The following GRM4 variants were observed in gnomAD, a reference collection of about 807,000 sequenced individuals.
GRM4 encodes the protein metabotropic glutamate receptor 4.
GRM4 carries 28 observed loss-of-function variants against 81.7 expected under a neutral mutation model. The ratio of observed to expected loss-of-function variants is 0.34; its 90% CI spans 0.25 to 0.47. GRM4 has a LOEUF of 0.47. GRM4 is among the 20% of genes least tolerant of loss of function. The pLI, the probability that GRM4 is intolerant of heterozygous loss-of-function variation, is 1.00. For missense variants in GRM4, 948 were observed against 1,290.0 expected (o/e 0.73, Z 4.06); for synonymous variants, 488 against 528.8 (o/e 0.92, Z 1.06).
At chr6:34,049,023 C>G (rs950860075) in intron 6 of GRM4, among the ~76,000 whole-genome samples, 2 of 152,130 alleles carry the variant, frequency 1.3e-5, no homozygotes, top group African/African-American at 4.8e-5. Flanking sequence ...GTCATTTCTC[C>G]GATTTAAGCA....
chr6:34,139,655 C>T (rs927450640), intron 1 of GRM4, among the ~76,000 whole-genome samples: 33 of 152,226 alleles, frequency 2.2e-4, no homozygotes, highest in Non-Finnish European at 2.4e-4. Flanking sequence ...ATGTTCCCCA[C>T]GCCCAGTCCG....
chr6:34,044,431 GACAT>G (rs1028433464), intron 6 of GRM4, among the ~76,000 whole-genome samples: 6 of 117,392 alleles, frequency 5.1e-5, no homozygotes, highest in African/African-American at 1.0e-4. Flanking sequence ...CATACACACA[GACAT>G]ACATACATAC....
chr6:34,079,675 C>T (rs769866366), intron 3 of GRM4, among the ~76,000 whole-genome samples: 65 of 152,290 alleles, frequency 4.3e-4, no homozygotes, highest in African/African-American at 1.5e-3. Flanking sequence ...GACCTTGGGG[C>T]AGACTCACCG....
chr6:34,139,533 T>C (rs1489103812), intron 1 of GRM4, among the ~76,000 whole-genome samples: 2 of 152,180 alleles, frequency 1.3e-5, no homozygotes, highest in Non-Finnish European at 2.9e-5. Flanking sequence ...ATTATTACAA[T>C]TCTTGTCATC....
chr6:34,129,261 C>T (rs957294543), intron 2 of GRM4, among the ~76,000 whole-genome samples: 3 of 152,188 alleles, frequency 2.0e-5, no homozygotes, highest in South Asian at 2.1e-4. Flanking sequence ...GTGATCCACC[C>T]GCGTTGGCCT....
At chr6:34,052,328 C>A (rs1469191154) in intron 6 of GRM4, among the ~76,000 whole-genome samples, 6 of 152,374 alleles carry the variant, frequency 3.9e-5, no homozygotes, top group African/African-American at 1.2e-4. Context: ...TCTCTTCTTT[C>A]CTGGAATCCC....
In GRM4 at chr6:34,069,514, C is replaced by T. The variant is rs915682756; in HGVS notation, c.737-7486G>A. On this transcript the variant is annotated intron_variant, in intron 3 of 10. Transcript: ENST00000538487. The surrounding 1 kb of genome is among the most constrained non-coding windows in gnomAD (Gnocchi z 6.4). The stretch of plus-strand genomic sequence containing the variant: ...CTGGCTCCAGCTGGATCTGGGACTG[C>T]ACAGAGGGCCAGGCCTAGTTCCCGT... Among the ~76,000 whole-genome samples, 2 of 152,126 alleles carry T rather than the reference C, an allele frequency of 1.3e-5. No homozygotes were observed. Among genetic ancestry groups the T allele is most frequent in the Admixed American group, 6.5e-5 (1 of 15,288 alleles).
intron 1 of GRM4, among the ~76,000 whole-genome samples, chr6:34,137,283 G>A (rs1770499134): frequency 6.6e-6 from 1 of 152,220 alleles, no homozygotes; most frequent in Non-Finnish European, 1.5e-5. Flanking sequence ...TTGGTTCCAG[G>A]GGAGGACAGA....
Position 34,136,562 on chromosome 6 carries a change from G to GCACACA in GRM4, c.-363-2704_-363-2703insTGTGTG, listed in dbSNP as rs1770463698. ...GGCTGAGCAGTGCATGCGCGCGTGC[G>GCACACA]GACACACACACACACACACACACAC... On this transcript the variant is annotated intron_variant, in intron 1 of 10. Coordinates refer to ENST00000538487, the MANE Select transcript of GRM4 (RefSeq NM_000841.4). This position sits in a 1 kb window ranked among gnomAD's most constrained non-coding sequence, Gnocchi z 4.1. Among the ~76,000 whole-genome samples the GCACACA allele has an allele frequency of 1.8e-5, 1 of 56,498 alleles. No homozygotes were observed. Among genetic ancestry groups the GCACACA allele is most frequent in the Non-Finnish European group, 3.3e-5 (1 of 30,084 alleles). The allele number at this position is 56,498 out of a possible 152,430, so 37.1% of individuals were successfully genotyped here. A position where few individuals can be genotyped will look rare whatever the true frequency, so the allele number is the denominator to read the frequency against.
intron 2 of GRM4, among the ~76,000 whole-genome samples, chr6:34,126,562 G>A (rs182477616): frequency 1.7e-3 from 257 of 152,324 alleles, no homozygotes; most frequent in African/African-American, 5.9e-3. Context: ...GGTGTTTTGA[G>A]GGGAAGAAAC....
chr6:34,145,411 A>T (rs1770885449), intron 1 of GRM4, among the ~76,000 whole-genome samples: 1 of 152,164 alleles, frequency 6.6e-6, no homozygotes, highest in Non-Finnish European at 1.5e-5. Flanking sequence ...CCGAGCCGGA[A>T]GGAGCGGGAG....
At chr6:34,076,443 A>G (rs1402740183) in intron 3 of GRM4, among the ~76,000 whole-genome samples, 2 of 144,814 alleles carry the variant, frequency 1.4e-5, no homozygotes, top group Non-Finnish European at 3.0e-5. Context: ...CAAGAAATAC[A>G]GAAAACCGGG....
intron 3 of GRM4, among the ~76,000 whole-genome samples, chr6:34,079,036 C>G (rs999231548): frequency 6.6e-6 from 1 of 152,200 alleles, no homozygotes; most frequent in Non-Finnish European, 1.5e-5. Context: ...TTTCTGTTGG[C>G]TAATTCCTAT....
At position 34,079,917 on chromosome 6, in the gene GRM4, C is replaced by T. The variant is rs529750006; in HGVS notation, c.736+11966G>A. On this transcript the variant is annotated intron_variant, in intron 3 of 10. Transcript: ENST00000538487. ...CCCCACTCTATTCCCTGCACAACAG[C>T]CAGAGGGATCTCGACCCTCCTCTGC... is the stretch of plus-strand genomic sequence containing the variant. Among the ~76,000 whole-genome samples the T allele has an allele frequency of 1.1e-3, 160 of 152,296 alleles. 1 individual carries two copies. The highest frequency in any genetic ancestry group is 1.7e-3 in the Non-Finnish European group (117 of 68,012).
intron 2 of GRM4, among the ~76,000 whole-genome samples, chr6:34,105,573 G>T (rs114493770): frequency 0.037 from 5,589 of 152,064 alleles, 253 homozygotes; most frequent in African/African-American, 0.11. Context: ...GTGGTCCCCA[G>T]GGCTCAGCGC....
Position 34,075,019 on chromosome 6 carries a change from C to T in GRM4, c.737-12991G>A, listed in dbSNP as rs569964527. On this transcript the variant is annotated intron_variant, in intron 3 of 10. Transcript: ENST00000538487. ...GGGAGTCTGCTCAAGGCTTGCACAG[C>T]GTCAGAGGCCAACCAGGAGCCAGAC... is the stretch of plus-strand genomic sequence containing the variant. Among the ~76,000 whole-genome samples the T allele has an allele frequency of 5.9e-5, 9 of 152,232 alleles. No individual in the cohort carries two copies. The South Asian group carries it at 1.0e-3, about 18-fold the overall frequency.
At chr6:34,106,757 C>T (rs1242776837) in intron 2 of GRM4, among the ~76,000 whole-genome samples, 1 of 152,248 alleles carries the variant, frequency 6.6e-6, no homozygotes, top group East Asian at 1.9e-4. Flanking sequence ...CGGCCTTGCT[C>T]ACTGCTAGAG....
chr6:34,037,861 C>CA (rs34369343), intron 8 of GRM4, among the ~76,000 whole-genome samples: 37,578 of 115,698 alleles, frequency 0.32, 7,038 homozygotes, highest in Non-Finnish European at 0.43. Context: ...GATTCCGTCT[C>CA]AAAAAAAAAA....
At chr6:34,076,482 T>A (rs1405541320) in intron 3 of GRM4, among the ~76,000 whole-genome samples, 1 of 152,130 alleles carries the variant, frequency 6.6e-6, no homozygotes, top group East Asian at 1.9e-4. Context: ...GCACTGGATA[T>A]AACCAGACAA....
Sources: allele counts gnomAD v4.1 joint callset (sites outside exome capture counted in the v4.1 genomes callset), GRCh38; gene constraint gnomAD v4.1.1; non-coding constraint Gnocchi (gnomAD v3.1); transcripts MANE v1.5; gene names NCBI Gene and HGNC (gene_info 2026-07-23, HGNC 2026-07-21).